Variants in SLC14A2 observed in about 807,000 individuals in gnomAD.
SLC14A2 encodes the protein solute carrier family 14 member 2.
A neutral mutation model predicts 104.6 loss-of-function variants in SLC14A2; 91 were observed. That is an observed-to-expected ratio of 0.87 (90% confidence interval 0.73 to 1.04). The LOEUF (loss-of-function observed/expected upper bound fraction) is 1.04. Ranked by LOEUF, SLC14A2 falls within the 50% of genes least tolerant of loss-of-function variation. The pLI is 0.00. For synonymous variants in SLC14A2, 476 were observed against 466.4 expected (o/e 1.02, Z -0.27); for missense variants, 1,189 against 1,156.0 (o/e 1.03, Z -0.41).
intron 1 of SLC14A2, among the ~76,000 whole-genome samples, chr18:45,389,862 T>C (rs1160648665): frequency 6.6e-6 from 1 of 152,194 alleles, no homozygotes; most frequent in Non-Finnish European, 1.5e-5. Context: ...AAAAGATCTT[T>C]GCATTTTGAT....
chr18:45,505,253 G>C (rs1379931791), intron 2 of SLC14A2, among the ~76,000 whole-genome samples: 3 of 152,118 alleles, frequency 2.0e-5, no homozygotes, highest in Non-Finnish European at 4.4e-5. Context: ...ACCAAGGGCA[G>C]ACAGGGAGAT....
chr18:45,204,352 G>A, the SLC14A2 span, among the ~76,000 whole-genome samples: 3 of 152,128 alleles, frequency 2.0e-5, no homozygotes, highest in East Asian at 1.9e-4. Context: ...GGAAACCTTC[G>A]GGTCTACTTG....
At chr18:45,641,082 A>G in intron 7 of SLC14A2, 127 bp from the exon 8 acceptor site, 1 of 885,086 alleles carries the variant, frequency 1.1e-6, no homozygotes, top group Non-Finnish European at 1.7e-6. Flanking sequence ...GGCTCTTTTG[A>G]TGGGCAGGTT....
chr18:45,414,755 A>ATATAT (rs1555684068), intron 1 of SLC14A2, among the ~76,000 whole-genome samples: 12 of 64,106 alleles, frequency 1.9e-4, no homozygotes, highest in Non-Finnish European at 2.5e-4. Flanking sequence ...AAAAAAAAAA[A>ATATAT]AAATATATAT....
chr18:45,660,676 C>G (rs1207503243), intron 10 of SLC14A2, among the ~76,000 whole-genome samples: 2 of 152,220 alleles, frequency 1.3e-5, no homozygotes, highest in African/African-American at 4.8e-5. Context: ...AAACACCATG[C>G]AGAAATTAGT....
chr18:45,414,397 T>C (rs918468505), intron 1 of SLC14A2, among the ~76,000 whole-genome samples: 12 of 152,158 alleles, frequency 7.9e-5, no homozygotes, highest in African/African-American at 2.7e-4. Flanking sequence ...TCTAGAATAA[T>C]GAACTGTTTG....
At chr18:45,284,396 T>C (rs2084792820) in intron 1 of SLC14A2, among the ~76,000 whole-genome samples, 1 of 152,116 alleles carries the variant, frequency 6.6e-6, no homozygotes, top group Admixed American at 6.5e-5. Flanking sequence ...GAGGAAGTAG[T>C]ATGTTTCTCC....
intron 1 of SLC14A2, among the ~76,000 whole-genome samples, chr18:45,361,730 C>T (rs866588234): frequency 6.6e-6 from 1 of 152,190 alleles, no homozygotes; most frequent in South Asian, 2.1e-4. Context: ...GGCTGCTCGG[C>T]TTCTCGGCTT....
At chr18:45,405,632 G>A (rs372090136) in intron 1 of SLC14A2, among the ~76,000 whole-genome samples, 2 of 152,164 alleles carry the variant, frequency 1.3e-5, no homozygotes, top group Non-Finnish European at 2.9e-5. Context: ...GCCGGGTGTG[G>A]TGGCTCTTGC....
rs1260690744 is a variant in SLC14A2 at position 45,388,753 on chromosome 18, ACT to A, written c.-124-94477_-124-94476del. Among the ~76,000 whole-genome samples the A allele has an allele frequency of 7.9e-5, 12 of 152,184 alleles. No individual in the cohort carries two copies. In the East Asian group the frequency reaches 2.1e-3, roughly 27 times the overall value. On this transcript the variant is annotated intron_variant, in intron 1 of 20. Coordinates refer to the SLC14A2 transcript ENST00000586448. ...GCACTTGCATGAAGAAGAGGTACAA[ACT>A]CTTCACAAGCTCCTCAATGTGACCT...
intron 2 of SLC14A2, among the ~76,000 whole-genome samples, chr18:45,548,113 C>T (rs2044001304): frequency 6.6e-6 from 1 of 152,176 alleles, no homozygotes; most frequent in African/African-American, 2.4e-5. Context: ...GGAGTCAAAA[C>T]AAGAGAATGA....
chr18:45,233,787 C>T lies in SLC14A2; in HGVS notation c.-125+20596C>T, dbSNP rs1311174474. ...CCCCCGCCCCGACTCCCCCTTCCCC[C>T]ACCCACAGTGCCCCCACCTAAAAGC... On this transcript the variant is annotated intron_variant, in intron 1 of 20. Coordinates refer to the SLC14A2 transcript ENST00000586448. Among the ~76,000 whole-genome samples, 194 of 148,644 alleles carry T rather than the reference C, an allele frequency of 1.3e-3. 3 individuals carry two copies. The highest frequency in any genetic ancestry group is 2.5e-3 in the Non-Finnish European group (168 of 67,188).
intron 4 of SLC14A2, among the ~76,000 whole-genome samples, chr18:45,629,642 T>G (rs553147217): frequency 1.3e-5 from 2 of 152,254 alleles, no homozygotes; most frequent in African/African-American, 4.8e-5. Context: ...AGACCCTCCC[T>G]GCGCTGACAC....
At chr18:45,354,390 G>A (rs2085531376) in intron 1 of SLC14A2, among the ~76,000 whole-genome samples, 1 of 152,192 alleles carries the variant, frequency 6.6e-6, no homozygotes, top group South Asian at 2.1e-4. Flanking sequence ...GTGATTGGTG[G>A]CAGCAGGGGT....
intron 2 of SLC14A2, among the ~76,000 whole-genome samples, chr18:45,510,569 C>A (rs548273673): frequency 1.3e-5 from 2 of 152,104 alleles, no homozygotes; most frequent in Non-Finnish European, 2.9e-5. Flanking sequence ...CCTTTGCCTG[C>A]TGATCAGGGT....
At chr18:45,517,318 G>A (rs918056468) in intron 2 of SLC14A2, among the ~76,000 whole-genome samples, 2 of 152,122 alleles carry the variant, frequency 1.3e-5, no homozygotes, top group African/African-American at 4.8e-5. Flanking sequence ...CAGGAATTCC[G>A]AGACATTCCA....
chr18:45,350,842 A>ATT (rs965077590), intron 1 of SLC14A2, among the ~76,000 whole-genome samples: 1 of 152,138 alleles, frequency 6.6e-6, no homozygotes, highest in African/African-American at 2.4e-5. Flanking sequence ...CAATAGCAAT[A>ATT]TTTTTACTGT....
chr18:45,445,968 G>T (rs1454620648), intron 1 of SLC14A2, among the ~76,000 whole-genome samples: 1 of 152,236 alleles, frequency 6.6e-6, no homozygotes, highest in African/African-American at 2.4e-5. Context: ...AGAAGGCAGA[G>T]CAGTAAGCAA....
At chr18:45,428,721 T>A (rs2086470695) in intron 1 of SLC14A2, among the ~76,000 whole-genome samples, 2 of 152,226 alleles carry the variant, frequency 1.3e-5, no homozygotes, top group African/African-American at 4.8e-5. Context: ...AATGACAGAA[T>A]GGACCAACCC....
Sources: allele counts gnomAD v4.1 joint callset (sites outside exome capture counted in the v4.1 genomes callset), GRCh38; gene constraint gnomAD v4.1.1; transcripts MANE v1.5; gene names NCBI Gene and HGNC (gene_info 2026-07-23, HGNC 2026-07-21).